OPLAH: variants seen among roughly 807,000 people sequenced by gnomAD.
OPLAH encodes 5-oxoprolinase, ATP-hydrolysing.
In OPLAH, 103 loss-of-function variants were observed where a neutral mutation model predicts 122.8. The observed-to-expected ratio is 0.84, with a 90% confidence interval of 0.71 to 0.99. The LOEUF (loss-of-function observed/expected upper bound fraction) is 0.99, where lower values mean the gene tolerates loss of function less well. OPLAH is among the 50% of genes least tolerant of loss of function. The pLI, the probability that OPLAH is intolerant of heterozygous loss-of-function variation, is 0.00. For missense variants in OPLAH, 1,902 were observed against 1,836.5 expected, an observed-to-expected ratio of 1.04 and a Z score of -0.65; for synonymous variants, 875 against 796.0, an observed-to-expected ratio of 1.10 and a Z score of -1.67.
chr8:144,051,365 G>A lies in OPLAH; in HGVS notation c.3828C>T (p.Gly1276=). Residue 1276 remains glycine, a synonymous_variant, in exon 27 of 27, where the codon GGC becomes GGT. Coordinates refer to ENST00000618853, the MANE Select transcript of OPLAH (RefSeq NM_017570.5). ...PPQALAFPEH[G]SVYEYRRAQE... ...GGGCCCGGCGATACTCATAGACGCT[G>A]CCGTGCTCGGGAAAGGCCAGTGCTT... 3 of 1,610,148 alleles carry A rather than the reference G, an allele frequency of 1.9e-6. No homozygotes were observed. The highest frequency in any genetic ancestry group is 2.5e-6 in the Non-Finnish European group (3 of 1,178,818).
At position 144,058,390 on chromosome 8, in the gene OPLAH, C is replaced by A; in HGVS notation, c.798G>T (p.Leu266Phe). ...CCAGGCCGCCATCGGAGCGCATGAA[C>A]AACACCTGCACATCCTGCGAGCGGG... ...FQGQLKDVQV[L>F]FMRSDGGLAP... Residue 266 changes from leucine to phenylalanine, a missense_variant, in exon 7 of 27, where the codon TTG (leucine) becomes TTT (phenylalanine). Physicochemically the swap from Leu to Phe is conservative, Grantham distance 22. This residue lies in a region of OPLAH where 1,726 missense variants were observed against 1,642.1 expected (regional missense o/e 1.05). Transcript: ENST00000618853. 6.3e-7 allele frequency: 1 copy of A among 1,593,198 alleles called. No individual in the cohort carries two copies. The highest frequency in any genetic ancestry group is 8.5e-7 in the Non-Finnish European group (1 of 1,174,354).
rs1451817840 is a variant in OPLAH at position 144,060,103 on chromosome 8, C to G, written c.-53-18G>C. ...TGGAAAAACTGGACGGAGGCGGGGT[C>G]AGCCCGGGCTCACCTGCGAGTGGGA... is the stretch of plus-strand genomic sequence containing the variant. On this transcript the variant is annotated intron_variant, in intron 1 of 26. Coordinates refer to ENST00000618853, the MANE Select transcript of OPLAH (RefSeq NM_017570.5). The G allele has an allele frequency of 4.6e-6, 7 of 1,516,106 alleles. No individual in the cohort carries two copies. The highest frequency in any genetic ancestry group is 6.2e-6 in the Non-Finnish European group (7 of 1,126,992). 93.9% of individuals were successfully genotyped at this position (1,516,106 alleles called of 1,614,324 possible).
rs368730741 is a variant in OPLAH, at chr8:144,057,549, C to T, written c.1321G>A (p.Gly441Arg). Reference protein sequence around the residue: ...ATEVNSFLTNGPCPASPLSLE... With the variant: ...ATEVNSFLTNRPCPASPLSLE... ...CTCAGCGGGGAGGCCGGGCAGGGCC[C>T]GTTGGTCAGGAAGCTGTTGACCTCA... The change falls in exon 10 of 27, where the codon GGG becomes AGG. Residue 441 changes from glycine to arginine, a missense_variant. Gly to Arg is a moderately radical substitution (Grantham distance 125). Transcript: ENST00000618853. 1.9e-5 allele frequency: 30 copies of T among 1,589,918 alleles called. No homozygotes were observed. Among genetic ancestry groups the T allele is most frequent in the Non-Finnish European group, 2.5e-5 (29 of 1,169,086 alleles).
rs782344359 is a variant in OPLAH at position 144,057,484 on chromosome 8, G to A, written c.1386C>T (p.Asn462=). ...EVAMGFVRVA[N]EAMCRPIRAL... The stretch of plus-strand genomic sequence containing the variant: ...CACGGATGGGCCGGCACATGGCCTC[G>A]TTGGCCACGCGCACGAACCCCATGG... Residue 462 remains asparagine (N), a synonymous_variant, in exon 10 of 27, where the codon AAC becomes AAT. Transcript: ENST00000618853. 8.7e-5 allele frequency: 139 copies of A among 1,595,072 alleles called. 1 individual carries two copies. Among genetic ancestry groups the A allele is most frequent in the Middle Eastern group, 1.7e-4 (1 of 6,014 alleles).
rs200399200 is a variant in OPLAH, at chr8:144,056,651, C to A, written c.1811G>T (p.Arg604Leu). ...AAAGGCTGCCCCGAAGTCCCCCGCA[C>A]GGGGCGAGCGGGCTGTGGCTGGGTG... Reference protein sequence around the residue: ...HQHPATARSPRAGDFGAAFVE... With the variant: ...HQHPATARSPLAGDFGAAFVE... Residue 604 changes from arginine (R) to leucine (L), a missense_variant, in exon 13 of 27, where the codon CGT becomes CTT. Transcript: ENST00000618853. The A allele has an allele frequency of 5.0e-6, 8 of 1,612,138 alleles. No homozygotes were observed. Among genetic ancestry groups the A allele is most frequent in the Non-Finnish European group, 6.8e-6 (8 of 1,179,742 alleles).
rs566545310 is a variant in OPLAH, at chr8:144,058,081, G to A, written c.1017C>T (p.Gly339=). Residue 339 remains glycine (G), a synonymous_variant, in exon 8 of 27, where the codon GGC becomes GGT. Coordinates refer to ENST00000618853, the MANE Select transcript of OPLAH (RefSeq NM_017570.5). ...FEHVFEASTA[G]VTLQAPQLDI... ...CCAGCTGCGGGGCCTGGAGGGTGACGCCAGCTGTGCTGGCCTCGAAGACGT... is the reference window on the plus strand; with the variant it reads ...CCAGCTGCGGGGCCTGGAGGGTGACACCAGCTGTGCTGGCCTCGAAGACGT... 15 of 1,612,488 alleles carry A rather than the reference G, an allele frequency of 9.3e-6. No individual in the cohort carries two copies. Among genetic ancestry groups the A allele is most frequent in the Admixed American group, 1.7e-5 (1 of 60,020 alleles).
At chr8:144,062,981 G>C (rs919094141), upstream of OPLAH, among the ~76,000 whole-genome samples, 1 of 151,752 alleles carries the variant, frequency 6.6e-6, no homozygotes, top group Non-Finnish European at 1.5e-5. Context: ...ACCCACCCAG[G>C]CTCAGGCCTC....
In OPLAH at chr8:144,058,535, G is replaced by A. The variant is rs782350791; in HGVS notation, c.744C>T (p.Tyr248=). Residue 248 remains tyrosine (Y), a synonymous_variant, in exon 6 of 27, where the codon TAC becomes TAT. Coordinates refer to ENST00000618853, the MANE Select transcript of OPLAH (RefSeq NM_017570.5). ...GGAAGCCACGGCAGAAGCCCTGCACGTAGCGCTGGATGGCGGGCGTGAGGT... is the reference window on the plus strand; with the variant it reads ...GGAAGCCACGGCAGAAGCCCTGCACATAGCGCTGGATGGCGGGCGTGAGGT... ...DAYLTPAIQR[Y]VQGFCRGFQG... The A allele has an allele frequency of 2.0e-5, 32 of 1,596,930 alleles. No homozygotes were observed. The highest frequency in any genetic ancestry group is 3.3e-4 in the Middle Eastern group (2 of 6,054).
chr8:144,058,661 C>T lies in OPLAH; in HGVS notation c.618G>A (p.Val206=). Residue 206 remains valine (V), a synonymous_variant, in exon 6 of 27, where the codon GTG becomes GTA. Transcript: ENST00000618853. ...TWAQHEQQVG[V]LARELGFTHV... is the part of the protein sequence containing the mutation. ...GCGTGAAGCCCAGCTCCCGGGCCAG[C>T]ACACCCACCTGCTGCTCATGCTGGG... 6.3e-7 allele frequency: 1 copy of T among 1,596,944 alleles called. No homozygotes were observed. The highest frequency in any genetic ancestry group is 8.5e-7 in the Non-Finnish European group (1 of 1,174,890).
intron 21 of OPLAH, 29 bp downstream of exon 21, chr8:144,052,954 C>G: frequency 6.3e-7 from 1 of 1,581,034 alleles, no homozygotes; most frequent in Non-Finnish European, 8.6e-7. Context: ...GTGCCCCTGC[C>G]GCCTAGAGGC....
Position 144,058,089 on chromosome 8 carries a change from T to C in OPLAH, c.1009A>G (p.Thr337Ala). ...GEFEHVFEASTAGVTLQAPQL... is the reference protein window; with the variant it reads ...GEFEHVFEASAAGVTLQAPQL... ...GGGGCCTGGAGGGTGACGCCAGCTG[T>C]GCTGGCCTCGAAGACGTGCTCGAAT... Residue 337 changes from threonine to alanine, a missense_variant, in exon 8 of 27, where the codon ACA (threonine) becomes GCA (alanine). Physicochemically the swap from Thr to Ala is moderately conservative, Grantham distance 58. Around this residue, in one of 3 missense-constraint regions of OPLAH, gnomAD observed 1,726 missense variants for 1,642.1 expected, o/e 1.05. Transcript: ENST00000618853. The C allele has an allele frequency of 6.2e-7, 1 of 1,612,482 alleles. No individual in the cohort carries two copies. The highest frequency in any genetic ancestry group is 8.5e-7 in the Non-Finnish European group (1 of 1,179,808).
Position 144,057,506 on chromosome 8 carries a change from A to G in OPLAH, c.1364T>C (p.Met455Thr), listed in dbSNP as rs782413666. The G allele has an allele frequency of 1.3e-6, 2 of 1,599,996 alleles. No individual in the cohort carries two copies. The highest frequency in any genetic ancestry group is 3.5e-5 in the Admixed American group (2 of 57,594). The part of the protein sequence containing the change: ...ASPLSLEEVA[M>T]GFVRVANEAM... ...CTCGTTGGCCACGCGCACGAACCCC[A>G]TGGCCACCTCCTCCAGGCTCAGCGG... Residue 455 changes from methionine (M) to threonine (T), a missense_variant, in exon 10 of 27, where the codon ATG becomes ACG. By Grantham distance (81) the Met-to-Thr change is moderately conservative. Transcript: ENST00000618853.
In OPLAH at chr8:144,060,467, G is replaced by A. The variant is rs554947702; in HGVS notation, c.-54+186C>T. On this transcript the variant is annotated intron_variant, in intron 1 of 26. Transcript: ENST00000618853. ...GCCGGGGGACCCCACTTCCCGCTTT[G>A]CTCGACCTTCGACCCAAGCCTGGCG... Among the ~76,000 whole-genome samples the A allele has an allele frequency of 2.0e-5, 3 of 152,340 alleles. No individual in the cohort carries two copies. In the East Asian group the frequency reaches 5.8e-4, roughly 29 times the overall value.
chr8:144,060,181 C>G, intron 1 of OPLAH, 96 bp from the exon 2 acceptor site: 3 of 866,748 alleles, frequency 3.5e-6, no homozygotes, highest in Non-Finnish European at 5.2e-6. Context: ...GAGAGACCCA[C>G]GGGCACGACT....
At chr8:144,056,285 C>T (rs781982544) in intron 14 of OPLAH, 26 bp from the exon 15 acceptor site, 51 of 1,601,764 alleles carry the variant, frequency 3.2e-5, no homozygotes, top group Non-Finnish European at 3.9e-5. Context: ...GTGAGTACAG[C>T]GCCCGGGCCC....
chr8:144,054,835 G>A lies in OPLAH; in HGVS notation c.2488C>T (p.Pro830Ser). ...ACCGGTGTGATAACAGTCAGGTCTG[G>A]CAGGTGGCTGCCCCCGGCACTGGGA... is the stretch of plus-strand genomic sequence containing the variant. The part of the protein sequence containing the change: ...NHPSAGGSHL[P>S]DLTVITPVFW... Residue 830 changes from proline to serine, a missense_variant, in exon 18 of 27, where the codon CCA becomes TCA. Pro to Ser is a moderately conservative substitution (Grantham distance 74). Transcript: ENST00000618853. 6.2e-7 allele frequency: 1 copy of A among 1,612,266 alleles called. No homozygotes were observed. The highest frequency in any genetic ancestry group is 8.5e-7 in the Non-Finnish European group (1 of 1,179,780).
In OPLAH at chr8:144,052,533, C is replaced by CGCCTCGGGCGACGGGTCCAGGATGGA. The variant is rs782788332; in HGVS notation, c.3193_3218dup (p.Ala1074ProfsTer40). ...TGAGCACGTTGCCGCCCACCACCGCCGCCTCGGGCGACGGGTCCAGGATGG... is the reference window on the plus strand; with the variant it reads ...TGAGCACGTTGCCGCCCACCACCGCCGCCTCGGGCGACGGGTCCAGGATGGAGCCTCGGGCGACGGGTCCAGGATGG... On this transcript the variant is annotated frameshift_variant, in exon 23 of 27. Coordinates refer to ENST00000618853, the MANE Select transcript of OPLAH (RefSeq NM_017570.5). LOFTEE classifies it high-confidence loss of function. 5.7e-6 allele frequency: 9 copies of CGCCTCGGGCGACGGGTCCAGGATGGA among 1,591,380 alleles called. No homozygotes were observed. The highest frequency in any genetic ancestry group is 1.7e-6 in the Non-Finnish European group (2 of 1,175,270).
In OPLAH at chr8:144,057,998, A is replaced by G; in HGVS notation, c.1088+12T>C. The G allele has an allele frequency of 5.0e-6, 8 of 1,612,232 alleles. No homozygotes were observed. Among genetic ancestry groups the G allele is most frequent in the Non-Finnish European group, 6.8e-6 (8 of 1,179,638 alleles). On this transcript the variant is annotated intron_variant, in intron 8 of 26. Coordinates refer to ENST00000618853, the MANE Select transcript of OPLAH (RefSeq NM_017570.5). ...GGGCTGGGGTCCCAGCCTGGGAAGC[A>G]GGAGAGCTGACCTGAAGAAGAGGCG...
chr8:144,053,071 G>A lies in OPLAH; in HGVS notation c.2930C>T (p.Ala977Val). The A allele has an allele frequency of 6.2e-7, 1 of 1,602,040 alleles. No homozygotes were observed. The highest frequency in any genetic ancestry group is 8.5e-7 in the Non-Finnish European group (1 of 1,175,314). Reference sequence around the variant, plus strand: ...GGACACCTCCAGGGGCAGGCCCCGGGCCTGCCGGGAGGTTCCAAAGGCACG... The same window carrying A: ...GGACACCTCCAGGGGCAGGCCCCGGACCTGCCGGGAGGTTCCAAAGGCACG... Reference protein sequence around the residue: ...MLRAFGTSRQARGLPLEVSSE... With the variant: ...MLRAFGTSRQVRGLPLEVSSE... The change falls in exon 21 of 27, where the codon GCC (alanine) becomes GTC (valine). Residue 977 changes from alanine to valine, a missense_variant. Ala to Val is a moderately conservative substitution (Grantham distance 64). Around this residue, in one of 3 missense-constraint regions of OPLAH, gnomAD observed 1,726 missense variants for 1,642.1 expected, o/e 1.05. Transcript: ENST00000618853.
Sources: gnomAD v4.1 joint callset for allele counts (sites outside exome capture counted in the v4.1 genomes callset) on GRCh38, gnomAD v4.1.1 for gene constraint, gnomAD v4.1.1 regional missense constraint, MANE v1.5 for transcripts, NCBI Gene and HGNC (gene_info 2026-07-23, HGNC 2026-07-21) for gene names.